Variants in TRANK1 observed in about 807,000 individuals in gnomAD.
TRANK1 encodes the protein TPR and ankyrin repeat-containing protein 1.
A neutral mutation model predicts 266.0 loss-of-function variants in TRANK1; 198 were observed. That is an observed-to-expected ratio of 0.74 (90% CI 0.66 to 0.84). The LOEUF is 0.84. Among genes scored for constraint, TRANK1 ranks in the 40% least tolerant of loss-of-function variants. The probability of loss-of-function intolerance (pLI) is 0.00; values close to 1 mark genes in which losing one functional copy is unlikely to be tolerated. For synonymous variants in TRANK1, 1,396 were observed against 1,384.1 expected (o/e 1.01, Z -0.19); for missense variants, 3,326 against 3,634.6 (o/e 0.92, Z 2.18).
At chr3:36,884,525 T>C (rs893241220) in intron 8 of TRANK1, among the ~76,000 whole-genome samples, 2 of 152,292 alleles carry the variant, frequency 1.3e-5, no homozygotes, top group Admixed American at 1.3e-4. Context: ...ACAAAATAAA[T>C]AATCATACCA....
In TRANK1 at chr3:36,831,251, G is replaced by A. The variant is rs758580361; in HGVS notation, c.8332C>T (p.Arg2778Cys). 8.6e-5 allele frequency: 138 copies of A among 1,613,256 alleles called. No individual in the cohort carries two copies. The highest frequency in any genetic ancestry group is 1.1e-4 in the Non-Finnish European group (133 of 1,179,888). Residue 2778 changes from arginine (R) to cysteine (C), a missense_variant, in exon 22 of 24, where the codon CGT becomes TGT. Arg to Cys is a radical substitution (Grantham distance 180). Transcript: ENST00000645898. The surrounding 1 kb of genome is among the most constrained non-coding windows in gnomAD (Gnocchi z 5.0). ...QCDLCGVKFT[R>C]GPENYFSPSK... Reference sequence around the variant, plus strand: ...GGGCTGAAATAGTTCTCTGGGCCACGGGTAAACTTCACTCCACATAGGTCA... The same window carrying A: ...GGGCTGAAATAGTTCTCTGGGCCACAGGTAAACTTCACTCCACATAGGTCA...
chr3:36,854,664 G>A (rs1166203884), intron 13 of TRANK1, among the ~76,000 whole-genome samples: 4 of 152,062 alleles, frequency 2.6e-5, no homozygotes, highest in African/African-American at 9.7e-5. Flanking sequence ...AGCACTATAC[G>A]TAAACTGTTT....
chr3:36,847,113 G>A (rs1194714245), intron 16 of TRANK1, 87 bp downstream of exon 16: 2 of 1,437,292 alleles, frequency 1.4e-6, no homozygotes, highest in Non-Finnish European at 1.9e-6. Context: ...CCAAGTGCAA[G>A]CTCCATTTTT....
chr3:36,942,413 A>G (rs1266492560), intron 1 of TRANK1, among the ~76,000 whole-genome samples: 1 of 151,512 alleles, frequency 6.6e-6, no homozygotes. Context: ...ACAAGACCCA[A>G]AGAATCCTTT....
intron 16 of TRANK1, 42 bp downstream of exon 16, chr3:36,847,158 T>A: frequency 6.3e-7 from 1 of 1,577,552 alleles, no homozygotes; most frequent in Non-Finnish European, 8.7e-7. Context: ...TTTTCACTAC[T>A]TCCATGTCAA....
Position 36,874,154 on chromosome 3 carries a change from C to G in TRANK1, c.1050G>C (p.Lys350Asn). ...ATAGGTCCTTAGAACACGTAGCTAG[C>G]TTTTCTAAGTGACTGTTGATTTTCT... is the stretch of plus-strand genomic sequence containing the variant. The part of the protein sequence containing the change: ...AIEKINSHLE[K>N]LATCSKDLSG... The change falls in exon 9 of 24, where the codon AAG becomes AAC. Residue 350 changes from lysine (K) to asparagine (N), a missense_variant. Physicochemically the swap from Lys to Asn is moderately conservative, Grantham distance 94. Transcript: ENST00000645898. The G allele has an allele frequency of 6.5e-7, 1 of 1,537,410 alleles. No homozygotes were observed. Among genetic ancestry groups the G allele is most frequent in the Non-Finnish European group, 8.7e-7 (1 of 1,146,936 alleles).
rs1245563737 is a variant in TRANK1 at position 36,874,369 on chromosome 3, T to C, written c.908-73A>G. 20 of 1,471,730 alleles carry C rather than the reference T, an allele frequency of 1.4e-5. 1 individual carries two copies. The East Asian group carries it at 1.7e-4, about 13-fold the overall frequency. 91.2% of individuals were successfully genotyped at this position (1,471,730 alleles called of 1,614,324 possible). A position where few individuals can be genotyped will look rare whatever the true frequency, so the allele number is the denominator to read the frequency against. ...TAAGATGTCCCCATGAGTGCTCTTC[T>C]TCTCAGTCTCCTCCCAAGCAGCCCA... On this transcript the variant is annotated intron_variant, in intron 8 of 23. Transcript: ENST00000645898.
Position 36,833,749 on chromosome 3 carries a change from G to A in TRANK1, c.5834C>T (p.Ser1945Phe), listed in dbSNP as rs1337024639. 1 of 1,613,858 alleles carries A rather than the reference G, an allele frequency of 6.2e-7. No individual in the cohort carries two copies. The highest frequency in any genetic ancestry group is 1.7e-5 in the Admixed American group (1 of 60,002). Residue 1945 changes from serine (S) to phenylalanine (F), a missense_variant, in exon 22 of 24, where the codon TCT (serine) becomes TTT (phenylalanine). Ser to Phe is a radical substitution (Grantham distance 155). Transcript: ENST00000645898. ...DIEDQLVFLK[S>F]RKRLAEAADL... The stretch of plus-strand genomic sequence containing the variant: ...TGCAGCTTCTGCTAAGCGTTTCCGA[G>A]ACTTCAAGAACACCAGCTGGTCTTC...
chr3:36,839,119 G>A (rs1292049209), intron 18 of TRANK1, among the ~76,000 whole-genome samples: 1 of 152,194 alleles, frequency 6.6e-6, no homozygotes, highest in Non-Finnish European at 1.5e-5. Context: ...TGACCCAGTT[G>A]GTGAGTACAA....
intron 11 of TRANK1, among the ~76,000 whole-genome samples, chr3:36,860,222 A>G (rs1465611259): frequency 6.6e-6 from 1 of 151,806 alleles, no homozygotes; most frequent in Admixed American, 6.6e-5. Flanking sequence ...AAGGGGGCCT[A>G]TTTATTCCCA....
Position 36,903,171 on chromosome 3 carries a change from T to C in TRANK1, c.260A>G (p.Gln87Arg). 2 of 1,537,324 alleles carry C rather than the reference T, an allele frequency of 1.3e-6. No homozygotes were observed. Among genetic ancestry groups the C allele is most frequent in the South Asian group, 1.2e-5 (1 of 84,060 alleles). ...TACCTTCACGTAGGTTGGATCCCAT[T>C]GGAGACATTCCTTGGCAGCAACAAA... is the stretch of plus-strand genomic sequence containing the variant. ...EAFVAAKECL[Q>R]WDPTYVKGYY... Residue 87 changes from glutamine (Q) to arginine (R), a missense_variant, in exon 3 of 24, where the codon CAA becomes CGA. Physicochemically the swap from Gln to Arg is conservative, Grantham distance 43. Transcript: ENST00000645898.
intron 1 of TRANK1, among the ~76,000 whole-genome samples, chr3:36,942,488 A>C: frequency 7.1e-6 from 1 of 141,196 alleles, no homozygotes; most frequent in East Asian, 1.9e-4. Flanking sequence ...TCCTCAAAAA[A>C]AAAAAAAAAA....
At chr3:36,829,765 A>T (rs2078670965) in intron 22 of TRANK1, 103 bp from the exon 23 acceptor site, 1 of 1,250,460 alleles carries the variant, frequency 8.0e-7, no homozygotes, top group Non-Finnish European at 1.1e-6. Flanking sequence ...GCTGGTCTCT[A>T]TGTTTTCCCT....
At chr3:36,935,548 T>C (rs2080414689) in intron 1 of TRANK1, among the ~76,000 whole-genome samples, 1 of 150,324 alleles carries the variant, frequency 6.7e-6, no homozygotes, top group African/African-American at 2.5e-5. Flanking sequence ...TCTCCCGGGT[T>C]CAAGTGATTC....
chr3:36,904,312 A>C (rs1325419898), intron 2 of TRANK1, among the ~76,000 whole-genome samples: 1 of 150,022 alleles, frequency 6.7e-6, no homozygotes, highest in Non-Finnish European at 1.5e-5. Context: ...CGAGGCGAGG[A>C]GTTCGAGACC....
chr3:36,843,227 C>A (rs2078872027), intron 17 of TRANK1, among the ~76,000 whole-genome samples: 1 of 152,132 alleles, frequency 6.6e-6, no homozygotes, highest in South Asian at 2.1e-4. Context: ...TACCAAACCA[C>A]ATTTGTGAGG....
At position 36,899,249 on chromosome 3, in the gene TRANK1, C is replaced by T. The variant is rs930714608; in HGVS notation, c.293G>A (p.Arg98Gln). The change falls in exon 4 of 24, where the codon CGA (arginine) becomes CAA (glutamine). Residue 98 changes from arginine (R) to glutamine (Q), a missense_variant. Transcript: ENST00000645898. ...CAACCTCAGCAAGGAATAACCAGCT[C>T]GGTAGTATCCCTGGAACAGGATAAA... ...WDPTYVKGYYRAGYSLLRLHQ... is the reference protein window; with the variant it reads ...WDPTYVKGYYQAGYSLLRLHQ... The T allele has an allele frequency of 8.5e-6, 13 of 1,537,100 alleles. No individual in the cohort carries two copies. Among genetic ancestry groups the T allele is most frequent in the South Asian group, 3.6e-5 (3 of 84,064 alleles).
At chr3:36,882,698 A>C (rs1273233615) in intron 8 of TRANK1, among the ~76,000 whole-genome samples, 1 of 152,248 alleles carries the variant, frequency 6.6e-6, no homozygotes, top group Non-Finnish European at 1.5e-5. Context: ...CAAAGTCAGA[A>C]GACAACTGAC....
At chr3:36,937,910 G>C (rs984280266) in intron 1 of TRANK1, among the ~76,000 whole-genome samples, 2 of 152,126 alleles carry the variant, frequency 1.3e-5, no homozygotes, top group Non-Finnish European at 2.9e-5. Flanking sequence ...AGCAGCCCAG[G>C]CATCTCCCCA....
Sources: gnomAD v4.1 joint callset for allele counts (sites outside exome capture counted in the v4.1 genomes callset) on GRCh38, gnomAD v4.1.1 for gene constraint, Gnocchi (gnomAD v3.1) non-coding constraint, MANE v1.5 for transcripts, NCBI Gene and HGNC (gene_info 2026-07-23, HGNC 2026-07-21) for gene names.